The following ATP4A variants were observed in gnomAD, a reference collection of about 807,000 sequenced individuals.
ATP4A encodes potassium-transporting ATPase alpha chain 1.
A neutral mutation model predicts 112.1 loss-of-function variants in ATP4A; 73 were observed. The ratio of observed to expected loss-of-function variants is 0.65; its 90% CI spans 0.54 to 0.79. The LOEUF is 0.79. Among genes scored for constraint, ATP4A ranks in the 30% least tolerant of loss-of-function variants. ATP4A has a pLI of 0.00. For synonymous variants in ATP4A, 588 were observed against 588.9 expected (o/e 1.00, Z 0.02); for missense variants, 1,081 against 1,425.9 (o/e 0.76, Z 3.90).
At position 35,558,315 on chromosome 19, in the gene ATP4A, G is replaced by T; in HGVS notation, c.1500+47C>A. ...CTGATGTGGGTGTGGCCTGGGGCGGGGCCCGAGGTGGGCGGGCCCAGGCCG... is the reference window on the plus strand; with the variant it reads ...CTGATGTGGGTGTGGCCTGGGGCGGTGCCCGAGGTGGGCGGGCCCAGGCCG... On this transcript the variant is annotated intron_variant, in intron 10 of 21. Transcript: ENST00000262623. The surrounding 1 kb of genome is among the most constrained non-coding windows in gnomAD (Gnocchi z 5.1). 4 of 1,570,480 alleles carry T rather than the reference G, an allele frequency of 2.5e-6. No homozygotes were observed. The highest frequency in any genetic ancestry group is 3.5e-6 in the Non-Finnish European group (4 of 1,157,654).
At chr19:35,554,825 C>T in intron 16 of ATP4A, 97 bp downstream of exon 16, 1 of 1,512,922 alleles carries the variant, frequency 6.6e-7, no homozygotes, top group Non-Finnish European at 9.1e-7. Flanking sequence ...TCACTCTGTG[C>T]CCAAGAGTGT....
At chr19:35,556,839 A>G (rs2071633635) in intron 12 of ATP4A, 74 bp downstream of exon 12, 1 of 1,542,838 alleles carries the variant, frequency 6.5e-7, no homozygotes, top group Admixed American at 1.9e-5. Context: ...TGGGTTTGTC[A>G]TGGGGTTCTT....
At position 35,560,927 on chromosome 19, in the gene ATP4A, G is replaced by A. The variant is rs765340558; in HGVS notation, c.426C>T (p.Tyr142=). 13 of 1,613,754 alleles carry A rather than the reference G, an allele frequency of 8.1e-6. No homozygotes were observed. Among genetic ancestry groups the A allele is most frequent in the Admixed American group, 1.7e-5 (1 of 59,984 alleles). ...EGDLTTDDNL[Y]LAIALIAVVV... ...CCACAGCAATGAGAGCGATTGCCAGGTACAGCTGGGGACAGGGAAGGGGTG... is the reference window on the plus strand; with the variant it reads ...CCACAGCAATGAGAGCGATTGCCAGATACAGCTGGGGACAGGGAAGGGGTG... The change falls in exon 5 of 22, where the codon TAC becomes TAT. Residue 142 remains tyrosine (Y), a synonymous_variant. Coordinates refer to ENST00000262623, the MANE Select transcript of ATP4A (RefSeq NM_000704.3). This position sits in a 1 kb window ranked among gnomAD's most constrained non-coding sequence, Gnocchi z 5.1.
Position 35,560,568 on chromosome 19 carries a change from G to T in ATP4A, c.582C>A (p.Asp194Glu), listed in dbSNP as rs149124559. Residue 194 changes from aspartate to glutamate, a missense_variant, in exon 6 of 22, where the codon GAC becomes GAA. Around this residue, in one of 3 missense-constraint regions of ATP4A, gnomAD observed 850 missense variants for 1,068.2 expected, o/e 0.80. Transcript: ENST00000262623. The surrounding 1 kb of genome is among the most constrained non-coding windows in gnomAD (Gnocchi z 5.1). ...RDGDKFQINADQLVVGDLVEM... is the reference protein window; with the variant it reads ...RDGDKFQINAEQLVVGDLVEM... The stretch of plus-strand genomic sequence containing the variant: ...CCACCAGGTCGCCCACCACCAGTTG[G>T]TCAGCGTTGATCTGGAATTTGTCTC... 1.2e-4 allele frequency: 196 copies of T among 1,611,866 alleles called. No individual in the cohort carries two copies. In the African/African-American group the frequency reaches 2.5e-3, roughly 20 times the overall value.
At position 35,551,566 on chromosome 19, in the gene ATP4A, G is replaced by A. The variant is rs750725541; in HGVS notation, c.2766C>T (p.Arg922=). 19 of 1,612,892 alleles carry A rather than the reference G, an allele frequency of 1.2e-5. No individual in the cohort carries two copies. The East Asian group carries it at 2.7e-4, about 23-fold the overall frequency. The change falls in exon 19 of 22, where the codon CGC becomes CGT. Residue 922 remains arginine, a synonymous_variant. Transcript: ENST00000262623. This position sits in a 1 kb window ranked among gnomAD's most constrained non-coding sequence, Gnocchi z 5.2. ...TGTAGCAGGTGTACTGCTGGTACAG[G>A]CGCTGCCCGAATGTCTGCAGGCCAG... ...SYGQEWTFGQ[R]LYQQYTCYTV...
At chr19:35,562,292 C>G in intron 4 of ATP4A, 143 bp downstream of exon 4, 1 of 993,972 alleles carries the variant, frequency 1.0e-6, no homozygotes, top group Non-Finnish European at 1.5e-6. Flanking sequence ...ATGTCCTTCA[C>G]CCTCCATGAC....
Position 35,558,252 on chromosome 19 carries a change from G to A in ATP4A, c.1500+110C>T. 1 of 1,376,148 alleles carries A rather than the reference G, an allele frequency of 7.3e-7. No homozygotes were observed. The highest frequency in any genetic ancestry group is 1.4e-5 in the South Asian group (1 of 69,626). 85.2% of individuals were successfully genotyped at this position (1,376,148 alleles called of 1,614,324 possible). On this transcript the variant is annotated intron_variant, in intron 10 of 21. Transcript: ENST00000262623. The surrounding 1 kb of genome is among the most constrained non-coding windows in gnomAD (Gnocchi z 5.1). ...GGGAGATGGGGTGGGGTTTGGCTGCGGAGAGAAGGGGCAAGGAGCGAAGCC... is the reference window on the plus strand; with the variant it reads ...GGGAGATGGGGTGGGGTTTGGCTGCAGAGAGAAGGGGCAAGGAGCGAAGCC...
intron 3 of ATP4A, among the ~76,000 whole-genome samples, chr19:35,563,006 C>T (rs2071681012): frequency 1.3e-5 from 2 of 149,798 alleles, no homozygotes; most frequent in South Asian, 4.3e-4. Context: ...CCATCTCCCT[C>T]CCTCTCTCCT....
chr19:35,562,695 C>G, intron 3 of ATP4A, 57 bp from the exon 4 acceptor site: 1 of 1,483,832 alleles, frequency 6.7e-7, no homozygotes, highest in Non-Finnish European at 9.0e-7. Flanking sequence ...CATGCACACC[C>G]CGTGGAAAGC....
At position 35,558,423 on chromosome 19, in the gene ATP4A, C is replaced by T. The variant is rs2071646039; in HGVS notation, c.1439G>A (p.Gly480Asp). The T allele has an allele frequency of 6.2e-7, 1 of 1,609,458 alleles. No individual in the cohort carries two copies. Among genetic ancestry groups the T allele is most frequent in the African/African-American group, 1.3e-5 (1 of 75,028 alleles). ...GACTTTTGGGAAGCGGTCCCGGTAG[C>T]CCATGGCGTTGCCCAGCGTCAGCTC... ...FSELTLGNAM[G>D]YRDRFPKVCE... The change falls in exon 10 of 22, where the codon GGC becomes GAC. Residue 480 changes from glycine (G) to aspartate (D), a missense_variant. This residue lies in a region of ATP4A where 850 missense variants were observed against 1,068.2 expected (regional missense o/e 0.80). Coordinates refer to ENST00000262623, the MANE Select transcript of ATP4A (RefSeq NM_000704.3). The surrounding 1 kb of genome is among the most constrained non-coding windows in gnomAD (Gnocchi z 5.1).
chr19:35,562,376 T>C, intron 4 of ATP4A, 59 bp downstream of exon 4: 2 of 1,567,314 alleles, frequency 1.3e-6, no homozygotes, highest in South Asian at 2.4e-5. Flanking sequence ...AGTCCCAGGC[T>C]CAGTGTCTTC....
chr19:35,553,886 C>T, intron 16 of ATP4A, 57 bp from the exon 17 acceptor site: 1 of 1,527,476 alleles, frequency 6.5e-7, no homozygotes, highest in Non-Finnish European at 8.8e-7. Context: ...TTGTCCCCTC[C>T]ACTTCGGGTC....
chr19:35,551,694 C>T lies in ATP4A; in HGVS notation c.2752-114G>A. On this transcript the variant is annotated intron_variant, in intron 18 of 21. Transcript: ENST00000262623. This position sits in a 1 kb window ranked among gnomAD's most constrained non-coding sequence, Gnocchi z 5.2. The stretch of plus-strand genomic sequence containing the variant: ...GGCCGTGAACCCCTAAATGCTCTCT[C>T]TGCCTTGCATCAGAGTGTGGGGGTG... 2 of 1,373,140 alleles carry T rather than the reference C, an allele frequency of 1.5e-6. No individual in the cohort carries two copies. Among genetic ancestry groups the T allele is most frequent in the Non-Finnish European group, 2.0e-6 (2 of 1,001,478 alleles). The allele number at this position is 1,373,140 out of a possible 1,614,324, so 85.1% of individuals were successfully genotyped here. A position where few individuals can be genotyped will look rare whatever the true frequency, so the allele number is the denominator to read the frequency against.
At position 35,550,742 on chromosome 19, in the gene ATP4A, G is replaced by A; in HGVS notation, c.3079+92C>T. The stretch of plus-strand genomic sequence containing the variant: ...GTGCTGGTTGCTATGGAGGGTCAAG[G>A]GCTTAGAGGCCAAGTGTTGAGGATC... On this transcript the variant is annotated intron_variant, in intron 21 of 21. Transcript: ENST00000262623. This position sits in a 1 kb window ranked among gnomAD's most constrained non-coding sequence, Gnocchi z 4.1. 4 of 1,607,764 alleles carry A rather than the reference G, an allele frequency of 2.5e-6. No homozygotes were observed. Among genetic ancestry groups the A allele is most frequent in the South Asian group, 1.1e-5 (1 of 90,924 alleles).
intron 4 of ATP4A, 133 bp downstream of exon 4, chr19:35,562,302 C>A (rs2071675386): frequency 2.8e-6 from 3 of 1,088,270 alleles, no homozygotes; most frequent in Admixed American, 4.8e-5. Context: ...CCCTCCATGA[C>A]CCCTGTCTTG....
At position 35,559,941 on chromosome 19, in the gene ATP4A, G is replaced by T. The variant is rs201359040; in HGVS notation, c.920C>A (p.Ala307Glu). ...IEIEHFVDII[A>E]GLAILFGATF... ...GGCACCGAAGAGAATGGCCAGGCCCGCGATGATGTCCACAAAATGCTCGAT... is the reference window on the plus strand; with the variant it reads ...GGCACCGAAGAGAATGGCCAGGCCCTCGATGATGTCCACAAAATGCTCGAT... The change falls in exon 7 of 22, where the codon GCG (alanine) becomes GAG (glutamate). Residue 307 changes from alanine (A) to glutamate (E), a missense_variant. By Grantham distance (107) the Ala-to-Glu change is moderately radical. Coordinates refer to ENST00000262623, the MANE Select transcript of ATP4A (RefSeq NM_000704.3). The surrounding 1 kb of genome is among the most constrained non-coding windows in gnomAD (Gnocchi z 4.1). The T allele has an allele frequency of 9.9e-6, 16 of 1,614,228 alleles. No homozygotes were observed. The highest frequency in any genetic ancestry group is 1.4e-5 in the Non-Finnish European group (16 of 1,180,038).
Position 35,550,345 on chromosome 19 carries a change from G to GC in ATP4A, c.*269dup, listed in dbSNP as rs2071593981. ...GCGGTCAGCTGTACTCCCTGTCAGA[G>GC]CCCCACCGCCACCACAGGTGGCGGC... On this transcript the variant is annotated 3_prime_UTR_variant, in exon 22 of 22. Transcript: ENST00000262623. The surrounding 1 kb of genome is among the most constrained non-coding windows in gnomAD (Gnocchi z 4.1). 3.7e-6 allele frequency: 2 copies of GC among 535,166 alleles called. No individual in the cohort carries two copies. Among genetic ancestry groups the GC allele is most frequent in the African/African-American group, 3.8e-5 (2 of 52,486 alleles). 33.2% of individuals were successfully genotyped at this position (535,166 alleles called of 1,614,324 possible). A position where few individuals can be genotyped will look rare whatever the true frequency, so the allele number is the denominator to read the frequency against.
chr19:35,559,306 G>T lies in ATP4A; in HGVS notation c.1057-115C>A. On this transcript the variant is annotated intron_variant, in intron 7 of 21. Transcript: ENST00000262623. This position sits in a 1 kb window ranked among gnomAD's most constrained non-coding sequence, Gnocchi z 4.1. ...AGCCGCGGGGCTGCGTGTGCAACGT[G>T]CTTCTGCAAACACCAGGTGTTTTCT... 9.0e-7 allele frequency: 1 copy of T among 1,112,454 alleles called. No individual in the cohort carries two copies. The highest frequency in any genetic ancestry group is 1.3e-6 in the Non-Finnish European group (1 of 763,750). 68.9% of individuals were successfully genotyped at this position (1,112,454 alleles called of 1,614,324 possible).
chr19:35,554,543 C>T (rs1452325087), intron 16 of ATP4A, among the ~76,000 whole-genome samples: 1 of 152,182 alleles, frequency 6.6e-6, no homozygotes, highest in Non-Finnish European at 1.5e-5. Flanking sequence ...TGGTTCTTTT[C>T]TGTCTGTCTG....
Sources: gnomAD v4.1 joint callset for allele counts (sites outside exome capture counted in the v4.1 genomes callset) on GRCh38, gnomAD v4.1.1 for gene constraint, gnomAD v4.1.1 regional missense constraint, Gnocchi (gnomAD v3.1) non-coding constraint, MANE v1.5 for transcripts, NCBI Gene and HGNC (gene_info 2026-07-23, HGNC 2026-07-21) for gene names.